MGST2: variants seen among roughly 807,000 people sequenced by gnomAD.
The protein encoded by MGST2 is microsomal glutathione S-transferase 2.
A neutral mutation model predicts 16.6 loss-of-function variants in MGST2; 9 were observed. The observed-to-expected ratio is 0.54, with a 90% CI of 0.33 to 0.95. The LOEUF (loss-of-function observed/expected upper bound fraction) is 0.95. Among genes scored for constraint, MGST2 ranks in the 40% least tolerant of loss-of-function variants. The pLI, the probability that MGST2 is intolerant of heterozygous loss-of-function variation, is 0.03. For missense variants in MGST2, 159 were observed against 175.1 expected (o/e 0.91, Z 0.52); for synonymous variants, 79 against 68.0 (o/e 1.16, Z -0.79).
intron 5 of MGST2, chr4:139,730,191 T>C: frequency 3.4e-6 from 2 of 585,334 alleles, no homozygotes; most frequent in South Asian, 2.1e-5. Flanking sequence ...GGCCTTCAAA[T>C]TGATGGCTGG....
At chr4:139,719,903 G>A (rs1380223384) in intron 5 of MGST2, 1 of 1,614,056 alleles carries the variant, frequency 6.2e-7, no homozygotes, top group Admixed American at 1.7e-5. Flanking sequence ...CAGCCTTGGA[G>A]GGGCTTGGGG....
chr4:139,689,806 C>G (rs74914303), intron 2 of MGST2, among the ~76,000 whole-genome samples: 1,947 of 152,228 alleles, frequency 0.013, 40 homozygotes, highest in African/African-American at 0.044. Flanking sequence ...AAAGTTGTTG[C>G]AAGCAAAGTT....
At chr4:139,667,587 C>T (rs886804024) in intron 1 of MGST2, among the ~76,000 whole-genome samples, 2 of 152,090 alleles carry the variant, frequency 1.3e-5, no homozygotes, top group African/African-American at 4.8e-5. Flanking sequence ...GGGCCGGGCA[C>T]GGTGGCTCAC....
the MGST2 span, among the ~76,000 whole-genome samples, chr4:139,749,157 A>G: frequency 1.3e-5 from 2 of 152,220 alleles, no homozygotes; most frequent in African/African-American, 4.8e-5. Flanking sequence ...TGGTTTATAA[A>G]TGTACAGTTT....
At chr4:139,671,001 T>C (rs956019577) in intron 1 of MGST2, among the ~76,000 whole-genome samples, 3 of 152,148 alleles carry the variant, frequency 2.0e-5, no homozygotes, top group Non-Finnish European at 4.4e-5. Flanking sequence ...AGAACTGGCC[T>C]AATGAGATTT....
intron 2 of MGST2, among the ~76,000 whole-genome samples, chr4:139,687,006 T>C (rs780270035): frequency 4.3e-4 from 65 of 152,330 alleles, no homozygotes; most frequent in Non-Finnish European, 6.2e-4. Flanking sequence ...CCTCCTCTTC[T>C]ATATCTGGAA....
chr4:139,737,406 A>G (rs1487198080), intron 5 of MGST2, among the ~76,000 whole-genome samples: 2 of 151,546 alleles, frequency 1.3e-5, no homozygotes, highest in African/African-American at 2.4e-5. Context: ...TGACCATAAC[A>G]TGCATCTGGT....
downstream of MGST2, among the ~76,000 whole-genome samples, chr4:139,742,432 A>G (rs911294942): frequency 2.0e-5 from 3 of 152,172 alleles, no homozygotes; most frequent in African/African-American, 7.2e-5. Flanking sequence ...TACAGGCGAG[A>G]GCCACCGCAC....
chr4:139,728,749 G>A (rs1728579854), intron 5 of MGST2, among the ~76,000 whole-genome samples: 2 of 152,134 alleles, frequency 1.3e-5, no homozygotes, highest in African/African-American at 4.8e-5. Context: ...CTCCTTGTCT[G>A]GGGGCATCAT....
At chr4:139,739,015 C>T (rs1729062218) in intron 5 of MGST2, among the ~76,000 whole-genome samples, 1 of 152,172 alleles carries the variant, frequency 6.6e-6, no homozygotes, top group South Asian at 2.1e-4. Context: ...TCCTTCCTGG[C>T]AAGGCTTTTA....
rs79329414 is a variant in MGST2 at position 139,703,933 on chromosome 4, C to T, written c.312-83C>T. On this transcript the variant is annotated intron_variant, in intron 4 of 4. Transcript: ENST00000265498. ...ATATAGAAGTTCTGGACAGTGTTAA[C>T]GATAGGACAGCCTACCTCAGGACTC... The T allele has an allele frequency of 1.8e-3, 2,794 of 1,562,774 alleles. 35 individuals are homozygous for T. In the African/African-American group the frequency reaches 0.026, roughly 15 times the overall value.
intron 5 of MGST2, among the ~76,000 whole-genome samples, chr4:139,734,493 C>T (rs896840882): frequency 2.0e-5 from 3 of 152,198 alleles, no homozygotes; most frequent in Admixed American, 6.5e-5. Context: ...TCACTACTCG[C>T]CCAACCCTCT....
chr4:139,716,708 A>G (rs891186327), intron 5 of MGST2: 5 of 152,564 alleles, frequency 3.3e-5, no homozygotes, highest in Non-Finnish European at 5.9e-5. Context: ...TGCTTAATTA[A>G]GATTGGAGCT....
chr4:139,707,483 G>C (rs991354437), downstream of MGST2, among the ~76,000 whole-genome samples: 12 of 152,230 alleles, frequency 7.9e-5, no homozygotes, highest in African/African-American at 2.9e-4. Flanking sequence ...CCAAGTCTTT[G>C]CTATTGTGAA....
chr4:139,719,470 C>A (rs1210241641), intron 5 of MGST2: 1 of 1,614,020 alleles, frequency 6.2e-7, no homozygotes, highest in South Asian at 1.1e-5. Context: ...ATGACACGTC[C>A]TGAGGGGCAT....
At chr4:139,729,047 C>T (rs1728592891) in intron 5 of MGST2, among the ~76,000 whole-genome samples, 1 of 150,430 alleles carries the variant, frequency 6.6e-6, no homozygotes, top group Non-Finnish European at 1.5e-5. Context: ...CCTTGTCGCA[C>T]ACCTTATGTA....
At chr4:139,681,418 A>T (rs780663263) in intron 2 of MGST2, among the ~76,000 whole-genome samples, 11 of 152,130 alleles carry the variant, frequency 7.2e-5, no homozygotes, top group Non-Finnish European at 1.2e-4. Flanking sequence ...GTTAACCTCC[A>T]GGACTGATCC....
chr4:139,713,705 A>G (rs764309648), intron 5 of MGST2, among the ~76,000 whole-genome samples: 1 of 152,222 alleles, frequency 6.6e-6, no homozygotes, highest in Non-Finnish European at 1.5e-5. Context: ...CAAGCGGCCA[A>G]TATTTCTAGC....
chr4:139,726,167 ACT>A (rs1342429762), intron 5 of MGST2, among the ~76,000 whole-genome samples: 2 of 152,224 alleles, frequency 1.3e-5, no homozygotes, highest in Non-Finnish European at 2.9e-5. Flanking sequence ...CTGCTTTTGT[ACT>A]TTGCAGAAAA....
Sources: gnomAD v4.1 joint callset for allele counts (sites outside exome capture counted in the v4.1 genomes callset) on GRCh38, gnomAD v4.1.1 for gene constraint, MANE v1.5 for transcripts, NCBI Gene and HGNC (gene_info 2026-07-23, HGNC 2026-07-21) for gene names.